Variants in ARHGEF1 observed in about 807,000 individuals in gnomAD.
The protein encoded by ARHGEF1 is Rho guanine nucleotide exchange factor 1.
A neutral mutation model predicts 119.7 loss-of-function variants in ARHGEF1; 40 were observed. The observed-to-expected ratio is 0.33, with a 90% CI of 0.26 to 0.44. The LOEUF (loss-of-function observed/expected upper bound fraction) is 0.44, where lower values mean the gene tolerates loss of function less well. Ranked by LOEUF, ARHGEF1 falls within the 20% of genes least tolerant of loss-of-function variation. The probability of loss-of-function intolerance (pLI) is 1.00; values close to 1 mark genes in which losing one functional copy is unlikely to be tolerated. For synonymous variants in ARHGEF1, 494 were observed against 521.0 expected, an observed-to-expected ratio of 0.95 and a Z score of 0.71; for missense variants, 976 against 1,268.3, an observed-to-expected ratio of 0.77 and a Z score of 3.50.
chr19:41,892,307 C>T lies in ARHGEF1; in HGVS notation c.325-24C>T, dbSNP rs782345522. ...TCTCAGCACACCAAGTCCTCCTCTT[C>T]ACCCCATTCTCTCTCTTGAGCAGGT... On this transcript the variant is annotated intron_variant, in intron 5 of 28. Transcript: ENST00000354532. The surrounding 1 kb of genome is among the most constrained non-coding windows in gnomAD (Gnocchi z 6.3). 3 of 1,613,558 alleles carry T rather than the reference C, an allele frequency of 1.9e-6. No homozygotes were observed. Among genetic ancestry groups the T allele is most frequent in the Non-Finnish European group, 2.5e-6 (3 of 1,180,002 alleles).
intron 14 of ARHGEF1, among the ~76,000 whole-genome samples, chr19:41,899,367 A>G (rs568580372): frequency 1.4e-3 from 212 of 152,280 alleles, no homozygotes; most frequent in African/African-American, 4.7e-3. Context: ...CCACAGGGGA[A>G]AGTTTGGGAG....
rs1555847609 is a variant in ARHGEF1 at position 41,896,405 on chromosome 19, C to T, written c.1044C>T (p.Asp348=). Residue 348 remains aspartate, a synonymous_variant, in exon 13 of 29, where the codon GAC becomes GAT. Transcript: ENST00000354532. ...PGADAPLELG[D]SSPQGPMSLE... ...CTGACGCCCCCCTGGAGCTGGGGGA[C>T]TCATCCCCGCAGGGCCCAATGAGCC... 2 of 1,443,206 alleles carry T rather than the reference C, an allele frequency of 1.4e-6. No individual in the cohort carries two copies. Among genetic ancestry groups the T allele is most frequent in the Admixed American group, 5.6e-5 (2 of 35,900 alleles). The allele number at this position is 1,443,206 out of a possible 1,614,324, so 89.4% of individuals were successfully genotyped here.
rs1204950829 is a variant in ARHGEF1, at chr19:41,904,863, TG to T, written c.2162-83del. ...GGGAGCCCTGAGAGCGCCACCACTG[TG>T]GGTGACTTCTCCAGCTTGTGCTTAG... On this transcript the variant is annotated intron_variant, in intron 22 of 28. Transcript: ENST00000354532. The surrounding 1 kb of genome is among the most constrained non-coding windows in gnomAD (Gnocchi z 8.4). 18 of 1,157,782 alleles carry T rather than the reference TG, an allele frequency of 1.6e-5. No individual in the cohort carries two copies. Among genetic ancestry groups the T allele is most frequent in the Non-Finnish European group, 2.2e-5 (17 of 770,870 alleles). 71.7% of individuals were successfully genotyped at this position (1,157,782 alleles called of 1,614,324 possible).
chr19:41,894,761 C>G, intron 11 of ARHGEF1, 100 bp downstream of exon 11: 1 of 1,319,556 alleles, frequency 7.6e-7, no homozygotes, highest in Non-Finnish European at 9.8e-7. Flanking sequence ...GGGACCTGGA[C>G]GCCTGGTTCT....
Position 41,905,029 on chromosome 19 carries a change from C to A in ARHGEF1, c.2242C>A (p.Arg748=). Residue 748 remains arginine, a synonymous_variant, in exon 23 of 29, where the codon CGG becomes AGG. Coordinates refer to ENST00000354532, the MANE Select transcript of ARHGEF1 (RefSeq NM_004706.4). This position sits in a 1 kb window ranked among gnomAD's most constrained non-coding sequence, Gnocchi z 6.4. ...YELVAQTVSE[R]KNWCALITET... Reference sequence around the variant, plus strand: ...GCTGGTGGCACAGACTGTGTCGGAGCGGAAAAAGTGAGGGGGGGTCTGAGT... The same window carrying A: ...GCTGGTGGCACAGACTGTGTCGGAGAGGAAAAAGTGAGGGGGGGTCTGAGT... 1 of 1,614,060 alleles carries A rather than the reference C, an allele frequency of 6.2e-7. No individual in the cohort carries two copies. Among genetic ancestry groups the A allele is most frequent in the African/African-American group, 1.3e-5 (1 of 75,010 alleles).
chr19:41,902,980 A>G lies in ARHGEF1; in HGVS notation c.1738+82A>G. The G allele has an allele frequency of 1.7e-6, 2 of 1,162,392 alleles. No homozygotes were observed. Among genetic ancestry groups the G allele is most frequent in the Non-Finnish European group, 2.4e-6 (2 of 837,398 alleles). The allele number at this position is 1,162,392 out of a possible 1,614,324, so 72.0% of individuals were successfully genotyped here. On this transcript the variant is annotated intron_variant, in intron 18 of 28. Transcript: ENST00000354532. This position sits in a 1 kb window ranked among gnomAD's most constrained non-coding sequence, Gnocchi z 6.5. ...TTTCTCACTCATTTTCATCAGTGATACCATCACAGCTCACTGCAGCCTCAA... is the reference window on the plus strand; with the variant it reads ...TTTCTCACTCATTTTCATCAGTGATGCCATCACAGCTCACTGCAGCCTCAA...
rs111653018 is a variant in ARHGEF1 at position 41,896,034 on chromosome 19, A to G, written c.1016-343A>G. 3.6e-3 allele frequency among the ~76,000 whole-genome samples: 544 copies of G among 152,288 alleles called. 2 individuals carry two copies. Among genetic ancestry groups the G allele is most frequent in the African/African-American group, 0.012 (514 of 41,558 alleles). On this transcript the variant is annotated intron_variant, in intron 12 of 28. Transcript: ENST00000354532. ...GGAGTATGAGAGGGTGGGGAGGATGAATGGACGTGGAGGCAGCACAGAATC... is the reference window on the plus strand; with the variant it reads ...GGAGTATGAGAGGGTGGGGAGGATGGATGGACGTGGAGGCAGCACAGAATC...
At chr19:41,908,417 G>A, downstream of ARHGEF1, 2 of 1,231,212 alleles carry the variant, frequency 1.6e-6, no homozygotes, top group African/African-American at 1.6e-5. The surrounding 1 kb of genome is among the most constrained non-coding windows in gnomAD (Gnocchi z 6.7). Flanking sequence ...CCGCTGCCAG[G>A]CCCGAGGGGC....
chr19:41,894,135 A>AGTGTGAGTGTGT, intron 8 of ARHGEF1, 72 bp from the exon 9 acceptor site: 1 of 484,532 alleles, frequency 2.1e-6, no homozygotes, highest in Non-Finnish European at 3.4e-6. Flanking sequence ...TGTGTGTGTG[A>AGTGTGAGTGTGT]GTGTGTGTGT....
At chr19:41,926,633 G>T (rs2074872027) in intron 1 of ARHGEF1, among the ~76,000 whole-genome samples, 1 of 152,120 alleles carries the variant, frequency 6.6e-6, no homozygotes, top group African/African-American at 2.4e-5. Context: ...GCGAGGCCTG[G>T]CCTGCTGGCC....
intron 18 of ARHGEF1, among the ~76,000 whole-genome samples, chr19:41,913,835 C>CA (rs1249824136): frequency 6.8e-4 from 102 of 151,102 alleles, no homozygotes; most frequent in African/African-American, 2.4e-3. Context: ...CTCCCTCTCA[C>CA]ACCCCTCCGC....
chr19:41,914,879 TC>T (rs1290489405), intron 18 of ARHGEF1, among the ~76,000 whole-genome samples: 1 of 34,106 alleles, frequency 2.9e-5, no homozygotes, highest in Non-Finnish European at 7.0e-5. Flanking sequence ...TGTCTCTCCC[TC>T]CCCTCCATCA....
At chr19:41,891,675 T>A (rs2074378868) in intron 4 of ARHGEF1, among the ~76,000 whole-genome samples, 1 of 152,200 alleles carries the variant, frequency 6.6e-6, no homozygotes, top group Non-Finnish European at 1.5e-5. Context: ...TTGAACACGT[T>A]AATGCATGTA....
rs140559109 is a variant in ARHGEF1 at position 41,904,966 on chromosome 19, G to A, written c.2179G>A (p.Val727Ile). ...EVATDHKAFY[V>I]LFTWDQEAQI... Reference sequence around the variant, plus strand: ...CCCTGCAGATCACAAAGCCTTCTACGTCCTTTTTACCTGGGACCAGGAGGC... The same window carrying A: ...CCCTGCAGATCACAAAGCCTTCTACATCCTTTTTACCTGGGACCAGGAGGC... The change falls in exon 23 of 29, where the codon GTC becomes ATC. Residue 727 changes from valine to isoleucine, a missense_variant. Physicochemically the swap from Val to Ile is conservative, Grantham distance 29. Coordinates refer to ENST00000354532, the MANE Select transcript of ARHGEF1 (RefSeq NM_004706.4). The surrounding 1 kb of genome is among the most constrained non-coding windows in gnomAD (Gnocchi z 8.4). 1.3e-5 allele frequency: 21 copies of A among 1,614,004 alleles called. No individual in the cohort carries two copies. The highest frequency in any genetic ancestry group is 1.6e-5 in the Non-Finnish European group (19 of 1,179,986).
chr19:41,893,221 T>TGGGG (rs1555846674), intron 7 of ARHGEF1, 53 bp from the exon 8 acceptor site: 1 of 1,609,976 alleles, frequency 6.2e-7, no homozygotes, highest in East Asian at 2.2e-5. Context: ...CCTGGGTGGA[T>TGGGG]GGGGACCCCA....
chr19:41,903,161 A>G lies in ARHGEF1; in HGVS notation c.1739-146A>G, dbSNP rs1488837989. On this transcript the variant is annotated intron_variant, in intron 18 of 28. Coordinates refer to ENST00000354532, the MANE Select transcript of ARHGEF1 (RefSeq NM_004706.4). This position sits in a 1 kb window ranked among gnomAD's most constrained non-coding sequence, Gnocchi z 4.2. ...GGCTTTGAACTCCTGGTCTCAAGCTATCCTCCCGCCTCAGCCTCCCAAAGT... is the reference window on the plus strand; with the variant it reads ...GGCTTTGAACTCCTGGTCTCAAGCTGTCCTCCCGCCTCAGCCTCCCAAAGT... 1.4e-6 allele frequency: 1 copy of G among 715,038 alleles called. No individual in the cohort carries two copies. The highest frequency in any genetic ancestry group is 2.4e-6 in the Non-Finnish European group (1 of 422,380). The allele number at this position is 715,038 out of a possible 1,614,324, so 44.3% of individuals were successfully genotyped here.
intron 1 of ARHGEF1, among the ~76,000 whole-genome samples, chr19:41,887,781 C>T (rs188469763): frequency 2.7e-3 from 407 of 152,288 alleles, no homozygotes; most frequent in Non-Finnish European, 4.6e-3. Flanking sequence ...TCCATTAGGG[C>T]ATTAGGGACC....
At position 41,892,265 on chromosome 19, in the gene ARHGEF1, A is replaced by C; in HGVS notation, c.325-66A>C. 1 of 1,604,584 alleles carries C rather than the reference A, an allele frequency of 6.2e-7. No homozygotes were observed. Among genetic ancestry groups the C allele is most frequent in the Non-Finnish European group, 8.5e-7 (1 of 1,173,624 alleles). ...CCTCGCTTAGACCAGGGTTCCTGGC[A>C]GTCCTCCCGGCCTGCATCTCAGCAC... On this transcript the variant is annotated intron_variant, in intron 5 of 28. Coordinates refer to ENST00000354532, the MANE Select transcript of ARHGEF1 (RefSeq NM_004706.4). The surrounding 1 kb of genome is among the most constrained non-coding windows in gnomAD (Gnocchi z 6.3).
Position 41,888,329 on chromosome 19 carries a change from C to G in ARHGEF1, c.111+51C>G. The G allele has an allele frequency of 6.4e-7, 1 of 1,569,174 alleles. No homozygotes were observed. The highest frequency in any genetic ancestry group is 8.7e-7 in the Non-Finnish European group (1 of 1,145,328). ...CTCTGTCCCAGGCTCAGTGTCCCGC[C>G]CCAGGTCCCCTCCCACCTGCAGATG... On this transcript the variant is annotated intron_variant, in intron 3 of 28. Transcript: ENST00000354532. This position sits in a 1 kb window ranked among gnomAD's most constrained non-coding sequence, Gnocchi z 5.1.
Sources: allele counts gnomAD v4.1 joint callset (sites outside exome capture counted in the v4.1 genomes callset), GRCh38; gene constraint gnomAD v4.1.1; non-coding constraint Gnocchi (gnomAD v3.1); transcripts MANE v1.5; gene names NCBI Gene and HGNC (gene_info 2026-07-23, HGNC 2026-07-21).